Variants in MCF2L2 observed in about 807,000 individuals in gnomAD.
MCF2L2 encodes the protein probable guanine nucleotide exchange factor MCF2L2.
In MCF2L2, 102 loss-of-function variants were observed where a neutral mutation model predicts 150.2. The observed-to-expected ratio is 0.68, with a 90% CI of 0.58 to 0.80. MCF2L2 has a LOEUF of 0.80. MCF2L2 is among the 30% of genes least tolerant of loss of function. The probability of loss-of-function intolerance (pLI) is 0.00; values close to 1 mark genes in which losing one functional copy is unlikely to be tolerated. For synonymous variants in MCF2L2, 465 were observed against 491.3 expected (o/e 0.95, Z 0.71); for missense variants, 1,256 against 1,372.8 (o/e 0.91, Z 1.34).
intron 10 of MCF2L2, among the ~76,000 whole-genome samples, chr3:183,303,825 C>T (rs558251500): frequency 3.9e-4 from 60 of 152,252 alleles, no homozygotes; most frequent in African/African-American, 1.4e-3. Flanking sequence ...CTTTCCTGGG[C>T]GCCCAGGGTC....
chr3:183,338,772 A>G, intron 5 of MCF2L2, 28 bp downstream of exon 5: 2 of 1,582,386 alleles, frequency 1.3e-6, no homozygotes, highest in Non-Finnish European at 8.6e-7. Context: ...CCCTAACCAA[A>G]TGAGACAAGA....
intron 20 of MCF2L2, among the ~76,000 whole-genome samples, chr3:183,220,356 T>C (rs1723103627): frequency 6.6e-6 from 1 of 152,240 alleles, no homozygotes; most frequent in South Asian, 2.1e-4. Flanking sequence ...AAACCATTTT[T>C]CTCATTCAAC....
At chr3:183,219,599 A>T (rs1339158789) in intron 21 of MCF2L2, among the ~76,000 whole-genome samples, 1 of 134,498 alleles carries the variant, frequency 7.4e-6, no homozygotes, top group Non-Finnish European at 1.6e-5. Context: ...CAATGGAGTG[A>T]GACTTTGTCT....
intron 5 of MCF2L2, among the ~76,000 whole-genome samples, chr3:183,337,381 A>T (rs916214656): frequency 1.3e-5 from 2 of 151,788 alleles, no homozygotes; most frequent in Non-Finnish European, 2.9e-5. Flanking sequence ...ACATGGTAAA[A>T]CCCCGTCTCT....
chr3:183,287,250 C>A (rs1239169120), intron 14 of MCF2L2, among the ~76,000 whole-genome samples: 15 of 152,170 alleles, frequency 9.9e-5, no homozygotes, highest in Admixed American at 2.0e-4. Context: ...TATATGAGAA[C>A]TTCCATATGC....
At chr3:183,217,363 T>A (rs1250911517) in intron 21 of MCF2L2, among the ~76,000 whole-genome samples, 1 of 138,224 alleles carries the variant, frequency 7.2e-6, no homozygotes, top group East Asian at 2.3e-4. Context: ...TCCCAGCTAC[T>A]CAGGAGGCTG....
intron 1 of MCF2L2, among the ~76,000 whole-genome samples, chr3:183,406,067 T>C (rs1385093807): frequency 6.6e-6 from 1 of 152,206 alleles, no homozygotes; most frequent in Non-Finnish European, 1.5e-5. Flanking sequence ...TAAATATTCA[T>C]GAACAGATTT....
At chr3:183,288,764 A>G (rs1727942834) in intron 14 of MCF2L2, among the ~76,000 whole-genome samples, 1 of 151,966 alleles carries the variant, frequency 6.6e-6, no homozygotes, top group Non-Finnish European at 1.5e-5. Context: ...ACAGGCGTGA[A>G]CCACCGCGCC....
Position 183,427,483 on chromosome 3 carries a change from C to G in MCF2L2, c.76+419G>C, listed in dbSNP as rs138130721. ...CTCCCTGCACTTTCTTATAAACAAG[C>G]CTTCAGTGGCGTGGCAATCATTTCT... On this transcript the variant is annotated intron_variant, in intron 1 of 29. Coordinates refer to ENST00000328913, the MANE Select transcript of MCF2L2 (RefSeq NM_015078.4). Among the ~76,000 whole-genome samples the G allele has an allele frequency of 5.6e-3, 856 of 152,272 alleles. 3 individuals carry two copies. The highest frequency in any genetic ancestry group is 0.02 in the African/African-American group (816 of 41,572).
At chr3:183,198,250 C>T (rs1030125965) in intron 25 of MCF2L2, among the ~76,000 whole-genome samples, 21 of 152,046 alleles carry the variant, frequency 1.4e-4, no homozygotes, top group African/African-American at 5.1e-4. Context: ...TACTCAGCAA[C>T]AACCAAAATA....
Position 183,428,083 on chromosome 3 carries a change from G to T in MCF2L2, c.-106C>A. On this transcript the variant is annotated 5_prime_UTR_variant, in exon 1 of 30. Coordinates refer to ENST00000328913, the MANE Select transcript of MCF2L2 (RefSeq NM_015078.4). This position sits in a 1 kb window ranked among gnomAD's most constrained non-coding sequence, Gnocchi z 5.1. Reference sequence around the variant, plus strand: ...CTCCGCCCAAGGATGCTCTGCCCTCGCCCTCTTCCTGGCTCTCCAGGCAAG... The same window carrying T: ...CTCCGCCCAAGGATGCTCTGCCCTCTCCCTCTTCCTGGCTCTCCAGGCAAG... 3.5e-6 allele frequency: 3 copies of T among 846,030 alleles called. No homozygotes were observed. The highest frequency in any genetic ancestry group is 6.0e-6 in the Non-Finnish European group (3 of 500,338). 52.4% of individuals were successfully genotyped at this position (846,030 alleles called of 1,614,324 possible). A position where few individuals can be genotyped will look rare whatever the true frequency, so the allele number is the denominator to read the frequency against.
At chr3:183,335,942 G>A (rs1730461614) in intron 5 of MCF2L2, among the ~76,000 whole-genome samples, 1 of 152,114 alleles carries the variant, frequency 6.6e-6, no homozygotes, top group African/African-American at 2.4e-5. Context: ...TTCCATGTGA[G>A]GCCAAAGCGT....
chr3:183,321,160 G>A (rs984387223), intron 6 of MCF2L2, among the ~76,000 whole-genome samples: 3 of 152,074 alleles, frequency 2.0e-5, no homozygotes, highest in African/African-American at 7.2e-5. Flanking sequence ...ACAGTTGGCC[G>A]GGTGCAGTGG....
At chr3:183,321,932 A>G (rs1397522996) in intron 6 of MCF2L2, among the ~76,000 whole-genome samples, 2 of 152,256 alleles carry the variant, frequency 1.3e-5, no homozygotes, top group Non-Finnish European at 2.9e-5. Flanking sequence ...GCCCCAGCAG[A>G]TTTGGTGTCT....
At chr3:183,332,138 C>T (rs939101406) in intron 5 of MCF2L2, among the ~76,000 whole-genome samples, 2 of 152,168 alleles carry the variant, frequency 1.3e-5, no homozygotes, top group Non-Finnish European at 2.9e-5. Flanking sequence ...AGAAGATAAA[C>T]TGACAGTTTG....
intron 3 of MCF2L2, among the ~76,000 whole-genome samples, chr3:183,342,962 T>C (rs35874250): frequency 0.067 from 10,195 of 152,152 alleles, 789 homozygotes; most frequent in African/African-American, 0.19. Context: ...TTAAGCATCA[T>C]TGGGTTAATC....
At chr3:183,231,118 C>G in intron 15 of MCF2L2, 101 bp from the exon 16 acceptor site, 1 of 886,300 alleles carries the variant, frequency 1.1e-6, no homozygotes, top group Middle Eastern at 2.1e-4. Flanking sequence ...AATACAGTTC[C>G]CTTTTAGTGG....
At chr3:183,230,410 G>A (rs550707552) in intron 16 of MCF2L2, among the ~76,000 whole-genome samples, 4 of 152,190 alleles carry the variant, frequency 2.6e-5, no homozygotes, top group Admixed American at 2.6e-4. Context: ...CACTGCATCC[G>A]GCCCAATAAT....
chr3:183,392,051 C>T (rs947763647), intron 1 of MCF2L2, among the ~76,000 whole-genome samples: 2 of 152,034 alleles, frequency 1.3e-5, no homozygotes, highest in Non-Finnish European at 2.9e-5. Flanking sequence ...CCACGCCTGG[C>T]CAAGCAAGCA....
Sources: allele counts gnomAD v4.1 joint callset (sites outside exome capture counted in the v4.1 genomes callset), GRCh38; gene constraint gnomAD v4.1.1; non-coding constraint Gnocchi (gnomAD v3.1); transcripts MANE v1.5; gene names NCBI Gene and HGNC (gene_info 2026-07-23, HGNC 2026-07-21).